The following TCF7L2 variants were observed in gnomAD, a reference collection of about 807,000 sequenced individuals.
TCF7L2 encodes transcription factor 7 like 2, also known as transcription factor 7-like 2.
A neutral mutation model predicts 77.9 loss-of-function variants in TCF7L2; 23 were observed. The ratio of observed to expected loss-of-function variants is 0.30; its 90% CI spans 0.21 to 0.42. TCF7L2 has a LOEUF of 0.42. TCF7L2 is among the 10% of genes least tolerant of loss of function. TCF7L2 has a pLI of 1.00. For synonymous variants in TCF7L2, 413 were observed against 340.2 expected, an observed-to-expected ratio of 1.21 and a Z score of -2.36; for missense variants, 654 against 793.1, an observed-to-expected ratio of 0.82 and a Z score of 2.11.
chr10:112,979,293 A>G lies in TCF7L2; in HGVS notation c.450+14669A>G, dbSNP rs142340490. Among the ~76,000 whole-genome samples the G allele has an allele frequency of 4.5e-3, 691 of 152,290 alleles. 9 individuals carry two copies. The highest frequency in any genetic ancestry group is 0.027 in the South Asian group (128 of 4,820). ...GAAGTGCTGGGTGTAAGTGGAGGTT[A>G]AAGCCCTAGAATTTGTTTTCTGTAA... On this transcript the variant is annotated intron_variant, in intron 4 of 13. Coordinates refer to ENST00000627217, the MANE Select transcript of TCF7L2 (RefSeq NM_001146274.2).
rs3793883 is a variant in TCF7L2, at chr10:113,166,614, G to A, written c.*642G>A. On this transcript the variant is annotated 3_prime_UTR_variant, in exon 14 of 14. Transcript: ENST00000627217. The stretch of plus-strand genomic sequence containing the variant: ...ACTCAACACTTAATAGAATCACAAC[G>A]CTGTTGGGCCAGTAGTATTTATTGC... 8 of 229,562 alleles carry A rather than the reference G, an allele frequency of 3.5e-5. No homozygotes were observed. Among genetic ancestry groups the A allele is most frequent in the Non-Finnish European group, 5.2e-5 (6 of 115,896 alleles). 14.2% of individuals were successfully genotyped at this position (229,562 alleles called of 1,614,324 possible). A position where few individuals can be genotyped will look rare whatever the true frequency, so the allele number is the denominator to read the frequency against.
chr10:113,163,853 A>C (rs2073598106), intron 13 of TCF7L2, among the ~76,000 whole-genome samples: 1 of 152,040 alleles, frequency 6.6e-6, no homozygotes, highest in South Asian at 2.1e-4. Context: ...CCTTCCTGCC[A>C]TCTTGCTGAG....
intron 5 of TCF7L2, among the ~76,000 whole-genome samples, chr10:113,090,372 A>G (rs1175520901): frequency 3.4e-4 from 51 of 152,204 alleles, no homozygotes; most frequent in East Asian, 3.8e-4. Context: ...TTGTATACCT[A>G]TTGGGTGCTG....
intron 8 of TCF7L2, among the ~76,000 whole-genome samples, chr10:113,148,642 A>T (rs1448617665): frequency 6.6e-6 from 1 of 152,230 alleles, no homozygotes; most frequent in African/African-American, 2.4e-5. Flanking sequence ...TCATCATTAT[A>T]TTCTGGCTTG....
intron 5 of TCF7L2, among the ~76,000 whole-genome samples, chr10:113,102,550 G>A (rs1476095660): frequency 6.6e-6 from 1 of 151,428 alleles, no homozygotes; most frequent in East Asian, 2.0e-4. Context: ...TCAGCCTCCC[G>A]AGTAGCTAGG....
intron 4 of TCF7L2, among the ~76,000 whole-genome samples, chr10:112,974,522 C>T (rs1355083564): frequency 6.6e-6 from 1 of 152,142 alleles, no homozygotes; most frequent in Non-Finnish European, 1.5e-5. Flanking sequence ...CGGCTCACTG[C>T]CACTTCTGCC....
intron 5 of TCF7L2, among the ~76,000 whole-genome samples, chr10:113,119,830 T>C (rs2064476743): frequency 6.6e-6 from 1 of 152,224 alleles, no homozygotes; most frequent in African/African-American, 2.4e-5. Flanking sequence ...GGAAATGCGC[T>C]AAAACCCTAA....
At chr10:113,105,320 T>C (rs2062159087) in intron 5 of TCF7L2, among the ~76,000 whole-genome samples, 1 of 152,172 alleles carries the variant, frequency 6.6e-6, no homozygotes, top group South Asian at 2.1e-4. Context: ...ATTGGGCCTC[T>C]TAGGGAGTCC....
rs2074063167 is a variant in TCF7L2 at position 113,166,844 on chromosome 10, C to G, written c.*872C>G. The G allele has an allele frequency of 8.8e-6, 2 of 227,614 alleles. No homozygotes were observed. The highest frequency in any genetic ancestry group is 4.5e-5 in the African/African-American group (2 of 44,706). 14.1% of individuals were successfully genotyped at this position (227,614 alleles called of 1,614,324 possible). On this transcript the variant is annotated 3_prime_UTR_variant, in exon 14 of 14. Transcript: ENST00000627217. ...TGACTTTTTTTTTTCTGTATGAAACCCAGATGTCACCAAATGGACATTAAT... is the reference window on the plus strand; with the variant it reads ...TGACTTTTTTTTTTCTGTATGAAACGCAGATGTCACCAAATGGACATTAAT...
intron 4 of TCF7L2, among the ~76,000 whole-genome samples, chr10:112,976,464 A>C (rs1405656833): frequency 6.6e-6 from 1 of 152,160 alleles, no homozygotes; most frequent in East Asian, 1.9e-4. Flanking sequence ...ACTAGAATAT[A>C]AGCACTTCTG....
In TCF7L2 at chr10:113,073,503, CAAAAAAAAAAAAAAAAA is replaced by C. The variant is rs35730806; in HGVS notation, c.552+33391_552+33407del. On this transcript the variant is annotated intron_variant, in intron 5 of 13. Transcript: ENST00000627217. Reference sequence around the variant, plus strand: ...CAACAAAGCAAGACCCGGTCTCTACCAAAAAAAAAAAAAAAAAAAAAAAAAAAAAATCAAAAAAATTA... The same window carrying C: ...CAACAAAGCAAGACCCGGTCTCTACCAAAAAAAAAAAAATCAAAAAAATTA... Among the ~76,000 whole-genome samples, 52 of 43,974 alleles carry C rather than the reference CAAAAAAAAAAAAAAAAA, an allele frequency of 1.2e-3. 2 individuals are homozygous for C. The highest frequency in any genetic ancestry group is 8.9e-3 in the Admixed American group (30 of 3,364). 28.8% of individuals were successfully genotyped at this position (43,974 alleles called of 152,430 possible).
chr10:113,009,053 A>C (rs1241239840), intron 4 of TCF7L2, among the ~76,000 whole-genome samples: 2 of 152,188 alleles, frequency 1.3e-5, no homozygotes, highest in Admixed American at 6.5e-5. Flanking sequence ...CTCCCATCTC[A>C]GACTCCCAAG....
chr10:113,160,826 C>A, intron 13 of TCF7L2: 2 of 813,916 alleles, frequency 2.5e-6, no homozygotes, highest in Non-Finnish European at 3.7e-6. Context: ...CCTCATTCTT[C>A]AAAATTTCCT....
At chr10:113,117,625 T>C (rs905679607) in intron 5 of TCF7L2, among the ~76,000 whole-genome samples, 1 of 152,254 alleles carries the variant, frequency 6.6e-6, no homozygotes, top group South Asian at 2.1e-4. Context: ...TTTGTCATCT[T>C]ACCAGTTCTC....
At chr10:113,128,874 G>C (rs964407868) in intron 5 of TCF7L2, among the ~76,000 whole-genome samples, 2 of 152,150 alleles carry the variant, frequency 1.3e-5, no homozygotes, top group African/African-American at 4.8e-5. Flanking sequence ...AAGAGCCCCA[G>C]GAAAAGTAAG....
intron 4 of TCF7L2, among the ~76,000 whole-genome samples, chr10:113,014,966 C>T (rs1191180077): frequency 6.6e-6 from 1 of 152,108 alleles, no homozygotes; most frequent in Non-Finnish European, 1.5e-5. Flanking sequence ...GGCAGGTGGT[C>T]ACTTAGGCCA....
intron 4 of TCF7L2, among the ~76,000 whole-genome samples, chr10:112,973,863 T>A (rs1382608342): frequency 6.6e-6 from 1 of 152,176 alleles, no homozygotes; most frequent in Non-Finnish European, 1.5e-5. Context: ...GTACTGGGAT[T>A]ATAGGTGGGG....
intron 4 of TCF7L2, among the ~76,000 whole-genome samples, chr10:112,996,955 G>A (rs1564762531): frequency 6.6e-6 from 1 of 152,166 alleles, no homozygotes; most frequent in Non-Finnish European, 1.5e-5. Context: ...TTCATGCTCC[G>A]CCATGATGGT....
In TCF7L2 at chr10:113,097,919, G is replaced by T. The variant is rs11196226; in HGVS notation, c.553-43265G>T. ...ACAGAAAAATTAGCCAGGCGTGGTA[G>T]TGCGCTTGTAATTCCAGCTACTCGG... On this transcript the variant is annotated intron_variant, in intron 5 of 13. Coordinates refer to ENST00000627217, the MANE Select transcript of TCF7L2 (RefSeq NM_001146274.2). 1.6e-3 allele frequency among the ~76,000 whole-genome samples: 242 copies of T among 151,122 alleles called. 4 individuals carry two copies. In the East Asian group the frequency reaches 0.043, roughly 27 times the overall value.
Sources: gnomAD v4.1 joint callset for allele counts (sites outside exome capture counted in the v4.1 genomes callset) on GRCh38, gnomAD v4.1.1 for gene constraint, MANE v1.5 for transcripts, NCBI Gene and HGNC (gene_info 2026-07-23, HGNC 2026-07-21) for gene names.